PCK2: variants seen among roughly 807,000 people sequenced by gnomAD.
The protein encoded by PCK2 is phosphoenolpyruvate carboxykinase [GTP], mitochondrial.
In PCK2, 56 loss-of-function variants were observed where a neutral mutation model predicts 65.9. That is an observed-to-expected ratio of 0.85 (90% confidence interval 0.69 to 1.06). PCK2 has a LOEUF of 1.06. Among genes scored for constraint, PCK2 ranks in the 50% least tolerant of loss-of-function variants. The probability of loss-of-function intolerance (pLI) is 0.00; values close to 1 mark genes in which losing one functional copy is unlikely to be tolerated. For missense variants in PCK2, 843 were observed against 863.1 expected (o/e 0.98, Z 0.29); for synonymous variants, 305 against 319.6 (o/e 0.95, Z 0.49).
chr14:24,096,598 G>A (rs1299975137), intron 1 of PCK2, among the ~76,000 whole-genome samples: 2 of 152,142 alleles, frequency 1.3e-5, no homozygotes, highest in African/African-American at 4.8e-5. Context: ...TACACAGGCA[G>A]TAACATCAGC....
Position 24,099,737 on chromosome 14 carries a change from T to C in PCK2, c.1015+17T>C, listed in dbSNP as rs767840601. 2 of 1,609,230 alleles carry C rather than the reference T, an allele frequency of 1.2e-6. No homozygotes were observed. Among genetic ancestry groups the C allele is most frequent in the Admixed American group, 1.7e-5 (1 of 60,008 alleles). ...ACAGTGAAGGTGAGGGACTCTCAGA[T>C]CATACTCTTGGTTCTGGCTCTTGTC... On this transcript the variant is annotated intron_variant, in intron 6 of 9. Transcript: ENST00000216780.
intron 1 of PCK2, chr14:24,095,359 T>C: frequency 2.4e-6 from 1 of 408,594 alleles, no homozygotes; most frequent in Admixed American, 2.6e-5. Context: ...AACTTCCCTC[T>C]GAGGCAGGAA....
chr14:24,098,462 C>T lies in PCK2; in HGVS notation c.461-13C>T. On this transcript the variant is annotated splice_polypyrimidine_tract_variant and intron_variant, in intron 3 of 9. Coordinates refer to ENST00000216780, the MANE Select transcript of PCK2 (RefSeq NM_004563.4). Reference sequence around the variant, plus strand: ...TTTGGAACCCTTCATCCAGGGGATGCCTTCCTCCACAGGCCGCACCATGTA... The same window carrying T: ...TTTGGAACCCTTCATCCAGGGGATGTCTTCCTCCACAGGCCGCACCATGTA... 6.2e-7 allele frequency: 1 copy of T among 1,613,726 alleles called. No individual in the cohort carries two copies. The highest frequency in any genetic ancestry group is 8.5e-7 in the Non-Finnish European group (1 of 1,179,788).
chr14:24,094,767 T>G lies in PCK2; in HGVS notation c.29+333T>G. On this transcript the variant is annotated intron_variant, in intron 1 of 9. Coordinates refer to ENST00000216780, the MANE Select transcript of PCK2 (RefSeq NM_004563.4). This position sits in a 1 kb window ranked among gnomAD's most constrained non-coding sequence, Gnocchi z 4.1. ...CGCATATCCTCCTTTCCTTCCCAGA[T>G]ACCTCCCTCGGACCTCTAACGGGCT... is the stretch of plus-strand genomic sequence containing the variant. The G allele has an allele frequency of 2.1e-6, 3 of 1,403,254 alleles. No individual in the cohort carries two copies. Among genetic ancestry groups the G allele is most frequent in the Non-Finnish European group, 2.8e-6 (3 of 1,062,756 alleles). The allele number at this position is 1,403,254 out of a possible 1,614,324, so 86.9% of individuals were successfully genotyped here.
At chr14:24,103,279 C>G (rs1485528425) in intron 9 of PCK2, 24 bp downstream of exon 9, 9 of 1,577,696 alleles carry the variant, frequency 5.7e-6, no homozygotes, top group Non-Finnish European at 7.8e-6. Context: ...CCATTCCTCC[C>G]TCTCCTGTGT....
intron 6 of PCK2, 44 bp from the exon 7 acceptor site, chr14:24,099,951 G>A: frequency 6.2e-7 from 1 of 1,614,098 alleles, no homozygotes; most frequent in Non-Finnish European, 8.5e-7. Flanking sequence ...TACATCTCAA[G>A]TTTTCCTTGT....
At chr14:24,098,755 A>G (rs1566576594) in intron 4 of PCK2, 77 bp downstream of exon 4, 3 of 1,256,142 alleles carry the variant, frequency 2.4e-6, no homozygotes, top group Non-Finnish European at 2.3e-6. Context: ...CTACCTCTCC[A>G]CAGACCCTAA....
rs1566581119 is a variant in PCK2 at position 24,102,896 on chromosome 14, C to T, written c.1372+6C>T. The T allele has an allele frequency of 6.2e-7, 1 of 1,612,474 alleles. No individual in the cohort carries two copies. Among genetic ancestry groups the T allele is most frequent in the Non-Finnish European group, 8.5e-7 (1 of 1,179,308 alleles). On this transcript the variant is annotated splice_donor_region_variant and intron_variant, in intron 8 of 9. Transcript: ENST00000216780. Reference sequence around the variant, plus strand: ...TGGTGGCCGCAGACCCAAAGGTAAACAACATATGAGCTCCATGTTCTTGGC... The same window carrying T: ...TGGTGGCCGCAGACCCAAAGGTAAATAACATATGAGCTCCATGTTCTTGGC...
At position 24,103,967 on chromosome 14, in the gene PCK2, T is replaced by G. The variant is rs780189858; in HGVS notation, c.*3T>G. 1.2e-6 allele frequency: 2 copies of G among 1,610,198 alleles called. No homozygotes were observed. Among genetic ancestry groups the G allele is most frequent in the Admixed American group, 3.3e-5 (2 of 60,004 alleles). On this transcript the variant is annotated 3_prime_UTR_variant, in exon 10 of 10. Transcript: ENST00000216780. The stretch of plus-strand genomic sequence containing the variant: ...AGAGACGTGTGCACAAAATGTGACC[T>G]GAGGCCCTAGTCTAGCAAGAGGACA...
rs201015155 is a variant in PCK2, at chr14:24,102,921, C to A, written c.1372+31C>A. The A allele has an allele frequency of 3.8e-4, 612 of 1,603,300 alleles. 6 individuals carry two copies. Among genetic ancestry groups the A allele is most frequent in the South Asian group, 3.4e-3 (304 of 90,488 alleles). ...CAACATATGAGCTCCATGTTCTTGG[C>A]AAAAGGGCTATCTCTGTATTAGGGC... On this transcript the variant is annotated intron_variant, in intron 8 of 9. Coordinates refer to ENST00000216780, the MANE Select transcript of PCK2 (RefSeq NM_004563.4).
At chr14:24,095,952 C>A (rs1328234639) in intron 1 of PCK2, among the ~76,000 whole-genome samples, 1 of 152,170 alleles carries the variant, frequency 6.6e-6, no homozygotes, top group African/African-American at 2.4e-5. Flanking sequence ...CAGATCAGGG[C>A]CTGGAAGCCC....
chr14:24,096,228 CTTTTTTTTTTTT>C (rs34592767), intron 1 of PCK2, among the ~76,000 whole-genome samples: 4 of 58,848 alleles, frequency 6.8e-5, no homozygotes, highest in African/African-American at 1.5e-4. Flanking sequence ...CTACTCATTT[CTTTTTTTTTTTT>C]TTTTTTTTTT....
chr14:24,094,440 T>G lies in PCK2; in HGVS notation c.29+6T>G. On this transcript the variant is annotated splice_donor_region_variant and intron_variant, in intron 1 of 9. Transcript: ENST00000216780. The surrounding 1 kb of genome is among the most constrained non-coding windows in gnomAD (Gnocchi z 4.1). ...TTGTACCGCCCTGGCCTGCGGTGAG[T>G]GACCCCCGGCCCGGGGCCCACCCGC... 4 of 1,543,756 alleles carry G rather than the reference T, an allele frequency of 2.6e-6. No individual in the cohort carries two copies. In the South Asian group the frequency reaches 3.6e-5, roughly 14 times the overall value.
At chr14:24,098,735 A>T (rs2037017359) in intron 4 of PCK2, 57 bp downstream of exon 4, 9 of 1,442,438 alleles carry the variant, frequency 6.2e-6, no homozygotes, top group Non-Finnish European at 8.7e-6. Flanking sequence ...CTCAGAGGAA[A>T]TCCCAAATCC....
Position 24,103,853 on chromosome 14 carries a change from A to T in PCK2, c.1812A>T (p.Glu604Asp), listed in dbSNP as rs1410422381. 6.2e-7 allele frequency: 1 copy of T among 1,614,020 alleles called. No homozygotes were observed. The highest frequency in any genetic ancestry group is 1.7e-5 in the Admixed American group (1 of 60,000). The change falls in exon 10 of 10, where the codon GAA becomes GAT. Residue 604 changes from glutamate (E) to aspartate (D), a missense_variant. Transcript: ENST00000216780. ...QLFSLPKDFW[E>D]QEVRDIRSYL... Reference sequence around the variant, plus strand: ...TCTCCCTCCCCAAGGACTTCTGGGAACAGGAGGTTCGTGACATTCGGAGCT... The same window carrying T: ...TCTCCCTCCCCAAGGACTTCTGGGATCAGGAGGTTCGTGACATTCGGAGCT...
intron 5 of PCK2, 28 bp downstream of exon 5, chr14:24,099,264 C>G: frequency 6.4e-7 from 1 of 1,574,358 alleles, no homozygotes; most frequent in Non-Finnish European, 8.6e-7. Flanking sequence ...AGCAGGGCAG[C>G]TGCCGGGGAC....
In PCK2 at chr14:24,100,061, C is replaced by A; in HGVS notation, c.1082C>A (p.Thr361Asn). Residue 361 changes from threonine to asparagine, a missense_variant, in exon 7 of 10, where the codon ACC (threonine) becomes AAC (asparagine). By Grantham distance (65) the Thr-to-Asn change is moderately conservative (BLOSUM62 0). Coordinates refer to ENST00000216780, the MANE Select transcript of PCK2 (RefSeq NM_004563.4). Reference protein sequence around the residue: ...FGVAPGTSATTNPNAMATIQS... With the variant: ...FGVAPGTSATNNPNAMATIQS... ...GTTGCCCCTGGTACCTCTGCCACCACCAATCCCAACGCCATGGCTACAATC... is the reference window on the plus strand; with the variant it reads ...GTTGCCCCTGGTACCTCTGCCACCAACAATCCCAACGCCATGGCTACAATC... The A allele has an allele frequency of 6.2e-7, 1 of 1,613,312 alleles. No individual in the cohort carries two copies. Among genetic ancestry groups the A allele is most frequent in the Non-Finnish European group, 8.5e-7 (1 of 1,179,588 alleles).
intron 8 of PCK2, 51 bp downstream of exon 8, chr14:24,102,941 T>TA: frequency 6.4e-7 from 1 of 1,557,090 alleles, no homozygotes; most frequent in Non-Finnish European, 8.8e-7. Context: ...ATCTCTGTAT[T>TA]AGGGCCTACC....
chr14:24,098,241 T>A lies in PCK2; in HGVS notation c.314T>A (p.Val105Glu), dbSNP rs2036984638. 2 of 1,613,344 alleles carry A rather than the reference T, an allele frequency of 1.2e-6. No individual in the cohort carries two copies. Among genetic ancestry groups the A allele is most frequent in the East Asian group, 4.5e-5 (2 of 44,858 alleles). The change falls in exon 3 of 10, where the codon GTA becomes GAA. Residue 105 changes from valine (V) to glutamate (E), a missense_variant. Transcript: ENST00000216780. ...ACAGACCCCAAGGATGTGGCACGAG[T>A]AGAGAGCAAGACGGTGATTGTAACT... ...ARTDPKDVAR[V>E]ESKTVIVTPS... is the part of the protein sequence containing the mutation.
Sources: gnomAD v4.1 joint callset for allele counts (sites outside exome capture counted in the v4.1 genomes callset) on GRCh38, gnomAD v4.1.1 for gene constraint, Gnocchi (gnomAD v3.1) non-coding constraint, MANE v1.5 for transcripts, NCBI Gene and HGNC (gene_info 2026-07-23, HGNC 2026-07-21) for gene names.